Variants in TWSG1 observed in about 807,000 individuals in gnomAD.
The protein encoded by TWSG1 is twisted gastrulation protein homolog 1.
In TWSG1, 15 loss-of-function variants were observed where a neutral mutation model predicts 23.0. The ratio of observed to expected loss-of-function variants is 0.65; its 90% CI spans 0.44 to 1.00. TWSG1 has a LOEUF of 1.00. TWSG1 is among the 50% of genes least tolerant of loss of function. The pLI, the probability that TWSG1 is intolerant of heterozygous loss-of-function variation, is 0.00. For missense variants in TWSG1, 242 were observed against 278.7 expected (o/e 0.87, Z 0.94); for synonymous variants, 86 against 92.8 (o/e 0.93, Z 0.42).
rs6146209 is a variant in TWSG1 at position 9,343,210 on chromosome 18, TTATATATATATATATATATA to T, written c.123+5890_123+5909del. On this transcript the variant is annotated intron_variant, in intron 2 of 4. Transcript: ENST00000262120. ...AGGAAATGCCCTGTTTTGTTTTTTG[TTATATATATATATATATATA>T]TATATATATATATATATATATATAT... Among the ~76,000 whole-genome samples, 160 of 132,118 alleles carry T rather than the reference TTATATATATATATATATATA, an allele frequency of 1.2e-3. 1 individual carries two copies. The highest frequency in any genetic ancestry group is 4.8e-3 in the South Asian group (20 of 4,130). The allele number at this position is 132,118 out of a possible 152,430, so 86.7% of individuals were successfully genotyped here.
chr18:9,373,794 T>C (rs1441062605), intron 3 of TWSG1, among the ~76,000 whole-genome samples: 1 of 152,156 alleles, frequency 6.6e-6, no homozygotes, highest in South Asian at 2.1e-4. Flanking sequence ...CCAAGATAGA[T>C]CACATTCTGA....
intron 3 of TWSG1, among the ~76,000 whole-genome samples, chr18:9,394,079 A>G (rs548829372): frequency 3.3e-5 from 5 of 152,336 alleles, no homozygotes; most frequent in South Asian, 2.1e-4. Flanking sequence ...GGAAATCAGT[A>G]TATCGAAGAG....
At chr18:9,343,553 G>A (rs931242207) in intron 2 of TWSG1, among the ~76,000 whole-genome samples, 3 of 151,888 alleles carry the variant, frequency 2.0e-5, no homozygotes, top group Admixed American at 6.6e-5. Context: ...CTTTAGAAGG[G>A]AACTCCATAC....
chr18:9,379,348 G>A (rs367644274), intron 3 of TWSG1, among the ~76,000 whole-genome samples: 21 of 152,088 alleles, frequency 1.4e-4, no homozygotes, highest in Admixed American at 9.2e-4. Context: ...AAAAGAATGC[G>A]ATCATGTCCT....
In TWSG1 at chr18:9,393,701, G is replaced by A. The variant is rs141957982; in HGVS notation, c.224-2579G>A. 1.2e-3 allele frequency among the ~76,000 whole-genome samples: 185 copies of A among 152,202 alleles called. 2 individuals carry two copies. The East Asian group carries it at 0.033, about 27-fold the overall frequency. ...GCCTCCTGAGTAGCTGGGACTACAA[G>A]CACGCATCATCATGCTCAGCTAATT... is the stretch of plus-strand genomic sequence containing the variant. On this transcript the variant is annotated intron_variant, in intron 3 of 4. Coordinates refer to ENST00000262120, the MANE Select transcript of TWSG1 (RefSeq NM_020648.6).
chr18:9,378,942 C>T (rs145924115), intron 3 of TWSG1, among the ~76,000 whole-genome samples: 9 of 152,112 alleles, frequency 5.9e-5, no homozygotes, highest in Non-Finnish European at 1.0e-4. Context: ...CTAATCATTA[C>T]GTAAATGCAA....
chr18:9,376,069 C>T (rs2040629068), intron 3 of TWSG1, among the ~76,000 whole-genome samples: 1 of 152,090 alleles, frequency 6.6e-6, no homozygotes, highest in Non-Finnish European at 1.5e-5. Context: ...TGCCTGCCAC[C>T]ATGCCCAGCT....
intron 3 of TWSG1, among the ~76,000 whole-genome samples, chr18:9,366,402 G>T (rs187258964): frequency 1.0e-3 from 155 of 152,340 alleles, no homozygotes; most frequent in Non-Finnish European, 1.7e-3. Flanking sequence ...AGGAAAACAG[G>T]ATCAGACAGC....
chr18:9,358,764 A>T (rs1472302536), intron 2 of TWSG1, among the ~76,000 whole-genome samples: 1 of 152,236 alleles, frequency 6.6e-6, no homozygotes, highest in Non-Finnish European at 1.5e-5. Flanking sequence ...TTCAGGTGTT[A>T]CATGGAAGGA....
chr18:9,341,230 A>G (rs1409352608), intron 2 of TWSG1, among the ~76,000 whole-genome samples: 2 of 152,216 alleles, frequency 1.3e-5, no homozygotes, highest in Admixed American at 1.3e-4. Flanking sequence ...ATCTGTGGAA[A>G]ATACACTCTG....
chr18:9,355,371 T>G (rs1448716695), intron 2 of TWSG1, among the ~76,000 whole-genome samples: 1 of 152,234 alleles, frequency 6.6e-6, no homozygotes, highest in East Asian at 1.9e-4. Context: ...GAGTTGTTTT[T>G]TCTTTTCTAT....
At chr18:9,373,350 G>A (rs8083808) in intron 3 of TWSG1, among the ~76,000 whole-genome samples, 12,886 of 151,798 alleles carry the variant, frequency 0.085, 762 homozygotes, top group Middle Eastern at 0.2. Flanking sequence ...TCAACATGGC[G>A]AAACCCTGTC....
At chr18:9,392,531 T>C (rs2040717440) in intron 3 of TWSG1, among the ~76,000 whole-genome samples, 1 of 152,222 alleles carries the variant, frequency 6.6e-6, no homozygotes, top group Non-Finnish European at 1.5e-5. Context: ...ACTTTCTCCA[T>C]ATCAGCAATA....
At chr18:9,397,853 A>C (rs1050722671) in intron 4 of TWSG1, among the ~76,000 whole-genome samples, 1 of 152,046 alleles carries the variant, frequency 6.6e-6, no homozygotes, top group Non-Finnish European at 1.5e-5. Flanking sequence ...AGAAATACAA[A>C]ATTAGCTGGG....
At position 9,353,882 on chromosome 18, in the gene TWSG1, G is replaced by C. The variant is rs74976272; in HGVS notation, c.124-6090G>C. ...AAAAAAATTAAGTATTGCATTCCAA[G>C]TCACTGGTTTTGCAACTCTTAGCCA... is the stretch of plus-strand genomic sequence containing the variant. On this transcript the variant is annotated intron_variant, in intron 2 of 4. Coordinates refer to ENST00000262120, the MANE Select transcript of TWSG1 (RefSeq NM_020648.6). Among the ~76,000 whole-genome samples, 212 of 152,280 alleles carry C rather than the reference G, an allele frequency of 1.4e-3. 1 individual carries two copies. The highest frequency in any genetic ancestry group is 5.0e-3 in the African/African-American group (206 of 41,554).
chr18:9,375,415 C>T (rs967852011), intron 3 of TWSG1, among the ~76,000 whole-genome samples: 2 of 152,106 alleles, frequency 1.3e-5, no homozygotes, highest in Non-Finnish European at 2.9e-5. Context: ...AGCTTTCCCA[C>T]TATAGTCAGG....
chr18:9,362,570 G>A (rs1279029891), intron 3 of TWSG1, among the ~76,000 whole-genome samples: 1 of 152,160 alleles, frequency 6.6e-6, no homozygotes, highest in African/African-American at 2.4e-5. Context: ...TTTATTAATA[G>A]CATTGCCTAA....
In TWSG1 at chr18:9,400,689, A is replaced by G. The variant is rs2040759067; in HGVS notation, c.*1162A>G. ...TATAATCATATCGTCGGAGGTTAAG[A>G]TTATGAAATTTTAGAATCTCTATTC... is the stretch of plus-strand genomic sequence containing the variant. On this transcript the variant is annotated 3_prime_UTR_variant, in exon 5 of 5. Coordinates refer to ENST00000262120, the MANE Select transcript of TWSG1 (RefSeq NM_020648.6). 6.6e-6 allele frequency: 1 copy of G among 152,196 alleles called. No homozygotes were observed. Among genetic ancestry groups the G allele is most frequent in the South Asian group, 2.1e-4 (1 of 4,826 alleles). 9.4% of individuals were successfully genotyped at this position (152,196 alleles called of 1,614,324 possible).
Position 9,395,620 on chromosome 18 carries a change from C to T in TWSG1, c.224-660C>T, listed in dbSNP as rs184240372. On this transcript the variant is annotated intron_variant, in intron 3 of 4. Coordinates refer to ENST00000262120, the MANE Select transcript of TWSG1 (RefSeq NM_020648.6). The stretch of plus-strand genomic sequence containing the variant: ...GACATGGGGTTGCCCAGGCTAGAGT[C>T]CAATGGTACAGTGATAGCTTACTGC... Among the ~76,000 whole-genome samples, 1,163 of 152,248 alleles carry T rather than the reference C, an allele frequency of 7.6e-3. 4 individuals carry two copies. Among genetic ancestry groups the T allele is most frequent in the Non-Finnish European group, 0.011 (778 of 68,024 alleles).
Sources: gnomAD v4.1 joint callset for allele counts (sites outside exome capture counted in the v4.1 genomes callset) on GRCh38, gnomAD v4.1.1 for gene constraint, MANE v1.5 for transcripts, NCBI Gene and HGNC (gene_info 2026-07-23, HGNC 2026-07-21) for gene names.